Variants in NIBAN3 observed in about 807,000 individuals in gnomAD.
NIBAN3 encodes the protein protein Niban 3.
Under a neutral mutation model 76.4 loss-of-function variants are expected in NIBAN3, and 66 were observed. The observed-to-expected ratio is 0.86, with a 90% CI of 0.71 to 1.06. The LOEUF (loss-of-function observed/expected upper bound fraction) is 1.06, where lower values mean the gene tolerates loss of function less well. Ranked by LOEUF, NIBAN3 falls within the 50% of genes least tolerant of loss-of-function variation. The pLI is 0.00. For missense variants in NIBAN3, 808 were observed against 810.7 expected (o/e 1.00, Z 0.04); for synonymous variants, 360 against 355.2 (o/e 1.01, Z -0.15).
At chr19:17,533,906 C>T (rs749713110) in intron 4 of NIBAN3, among the ~76,000 whole-genome samples, 4 of 152,122 alleles carry the variant, frequency 2.6e-5, no homozygotes, top group African/African-American at 7.2e-5. Context: ...AAGTGTCTCC[C>T]GGGGGCAGCG....
At chr19:17,554,339 G>T (rs1396981312), downstream of NIBAN3, among the ~76,000 whole-genome samples, 2 of 152,012 alleles carry the variant, frequency 1.3e-5, no homozygotes, top group Non-Finnish European at 1.5e-5. Context: ...AATTAGCTGG[G>T]CGTGGTTGAG....
Position 17,553,224 on chromosome 19 carries a change from C to T in NIBAN3, c.*1326C>T. 3 of 1,527,974 alleles carry T rather than the reference C, an allele frequency of 2.0e-6. No individual in the cohort carries two copies. Among genetic ancestry groups the T allele is most frequent in the Non-Finnish European group, 2.6e-6 (3 of 1,140,004 alleles). The allele number at this position is 1,527,974 out of a possible 1,614,324, so 94.7% of individuals were successfully genotyped here. Reference sequence around the variant, plus strand: ...ATTGATATCTAATAACTCTTTATATCTGAAGGATATGAACGCTTTGTGATA... The same window carrying T: ...ATTGATATCTAATAACTCTTTATATTTGAAGGATATGAACGCTTTGTGATA... On this transcript the variant is annotated 3_prime_UTR_variant, in exon 15 of 15. Transcript: ENST00000599164.
intron 14 of NIBAN3, chr19:17,549,740 AC>A (rs2076123458): frequency 1.6e-6 from 1 of 620,726 alleles, no homozygotes; most frequent in Admixed American, 2.5e-5. Flanking sequence ...GACCCTCTAA[AC>A]CCAGGCTCTG....
At position 17,551,947 on chromosome 19, in the gene NIBAN3, G is replaced by A. The variant is rs1156292241; in HGVS notation, c.*49G>A. 1.4e-6 allele frequency: 1 copy of A among 718,618 alleles called. No homozygotes were observed. The highest frequency in any genetic ancestry group is 1.7e-5 in the African/African-American group (1 of 57,868). The allele number at this position is 718,618 out of a possible 1,614,324, so 44.5% of individuals were successfully genotyped here. On this transcript the variant is annotated 3_prime_UTR_variant, in exon 15 of 15. Transcript: ENST00000599164. ...TTCTATTGGATAAATGTCTACAAGT[G>A]GAATTTCTGGGCCAAAACGGATGTG...
chr19:17,548,533 G>A (rs2076099779), intron 13 of NIBAN3, among the ~76,000 whole-genome samples: 1 of 152,176 alleles, frequency 6.6e-6, no homozygotes, highest in Admixed American at 6.5e-5. Context: ...GTCACTAAGT[G>A]AAGGAGAGGG....
At position 17,539,373 on chromosome 19, in the gene NIBAN3, G is replaced by A. The variant is rs1195829718; in HGVS notation, c.738G>A (p.Glu246=). ...TGCTGACCGCGGTGCTGATGCGGGA[G>A]CAACTTCCCGCGCTGCGAGCCCAGA... The part of the protein sequence containing the change: ...AEVLTAVLMR[E]QLPALRAQTL... The change falls in exon 7 of 15, where the codon GAG becomes GAA. Residue 246 remains glutamate, a synonymous_variant. Coordinates refer to ENST00000599164, the MANE Select transcript of NIBAN3 (RefSeq NM_001321827.2). 6.5e-7 allele frequency: 1 copy of A among 1,542,600 alleles called. No individual in the cohort carries two copies. The highest frequency in any genetic ancestry group is 1.2e-5 in the South Asian group (1 of 83,902).
Position 17,543,552 on chromosome 19 carries a change from A to C in NIBAN3, c.1475A>C (p.Gln492Pro), listed in dbSNP as rs2075995173. ...KKFKSDSGLA[Q>P]RRFIRGWGLC... ...TTCAAATCGGACAGCGGGTTGGCGC[A>C]GAGGAGGTTCATCCGAGGCTGGGGT... The change falls in exon 12 of 15, where the codon CAG (glutamine) becomes CCG (proline). Residue 492 changes from glutamine to proline, a missense_variant. Gln to Pro is a moderately conservative substitution (Grantham distance 76, BLOSUM62 -1). Transcript: ENST00000599164. 6.2e-7 allele frequency: 1 copy of C among 1,614,068 alleles called. No homozygotes were observed. Among genetic ancestry groups the C allele is most frequent in the Non-Finnish European group, 8.5e-7 (1 of 1,180,038 alleles).
At chr19:17,547,956 C>G (rs116266344) in intron 13 of NIBAN3, among the ~76,000 whole-genome samples, 13 of 152,158 alleles carry the variant, frequency 8.5e-5, no homozygotes, top group Non-Finnish European at 1.9e-4. Context: ...TGAGAGACAT[C>G]GTCTTAAAAC....
intron 4 of NIBAN3, among the ~76,000 whole-genome samples, chr19:17,536,975 G>T (rs1486412942): frequency 6.6e-6 from 1 of 151,988 alleles, no homozygotes; most frequent in Non-Finnish European, 1.5e-5. Context: ...TGTCCCTTTT[G>T]TTAAAAAAAG....
At chr19:17,537,876 G>A (rs917967011) in intron 5 of NIBAN3, among the ~76,000 whole-genome samples, 5 of 151,456 alleles carry the variant, frequency 3.3e-5, no homozygotes, top group African/African-American at 1.2e-4. Context: ...AACCCGGGAG[G>A]TGGAGGTTGC....
At position 17,543,498 on chromosome 19, in the gene NIBAN3, G is replaced by C. The variant is rs1433140055; in HGVS notation, c.1447-26G>C. The C allele has an allele frequency of 1.9e-6, 3 of 1,612,576 alleles. No homozygotes were observed. In the African/African-American group the frequency reaches 4.0e-5, roughly 22 times the overall value. The stretch of plus-strand genomic sequence containing the variant: ...GGCCTGGGTGCTCAGATGGTTGCTG[G>C]ACGCACCGCTGGGTGTGTTGTGCAG... On this transcript the variant is annotated intron_variant, in intron 11 of 14. Transcript: ENST00000599164.
At chr19:17,538,232 C>T (rs1042154689) in intron 5 of NIBAN3, among the ~76,000 whole-genome samples, 2 of 151,710 alleles carry the variant, frequency 1.3e-5, no homozygotes, top group East Asian at 1.9e-4. Flanking sequence ...CTCGCTAACA[C>T]GGTGAAACCC....
At chr19:17,531,326 A>AACACACACACAC (rs35489460) in intron 2 of NIBAN3, among the ~76,000 whole-genome samples, 1 of 129,000 alleles carries the variant, frequency 7.8e-6, no homozygotes, top group Non-Finnish European at 1.7e-5. Context: ...GACTCTGTCA[A>AACACACACACAC]ACACACACAC....
In NIBAN3 at chr19:17,540,533, T is replaced by C; in HGVS notation, c.1121T>C (p.Leu374Pro). The C allele has an allele frequency of 6.3e-7, 1 of 1,577,038 alleles. No homozygotes were observed. Among genetic ancestry groups the C allele is most frequent in the Non-Finnish European group, 8.6e-7 (1 of 1,161,252 alleles). ...CTCCTGGCTCAAGGCATGGACCGAC[T>C]GTCCCACCGCCTGCGCCAGAGCCCC... ...RTLLAQGMDR[L>P]SHRLRQSPSG... The change falls in exon 9 of 15, where the codon CTG becomes CCG. Residue 374 changes from leucine (L) to proline (P), a missense_variant. By Grantham distance (98) the Leu-to-Pro change is moderately conservative (BLOSUM62 -3). Coordinates refer to ENST00000599164, the MANE Select transcript of NIBAN3 (RefSeq NM_001321827.2).
upstream of NIBAN3, among the ~76,000 whole-genome samples, chr19:17,526,177 G>A (rs1296260661): frequency 6.6e-6 from 1 of 152,088 alleles, no homozygotes; most frequent in Admixed American, 6.6e-5. Context: ...GCCAGGTGTG[G>A]TGGCGGGCGC....
At chr19:17,531,372 C>A (rs937833352) in intron 2 of NIBAN3, among the ~76,000 whole-genome samples, 5 of 138,112 alleles carry the variant, frequency 3.6e-5, no homozygotes, top group East Asian at 4.3e-4. Context: ...CACACACACA[C>A]AACCATTCAC....
Position 17,551,971 on chromosome 19 carries a change from T to C in NIBAN3, c.*73T>C, listed in dbSNP as rs899646631. 1.5e-6 allele frequency: 1 copy of C among 686,756 alleles called. No homozygotes were observed. The allele number at this position is 686,756 out of a possible 1,614,324, so 42.5% of individuals were successfully genotyped here. ...TGGAATTTCTGGGCCAAAACGGATG[T>C]GCCATCTTTAGGCTTTTGTAACCCC... On this transcript the variant is annotated 3_prime_UTR_variant, in exon 15 of 15. Transcript: ENST00000599164.
At chr19:17,540,758 G>A (rs2075934672) in intron 9 of NIBAN3, among the ~76,000 whole-genome samples, 176 bp downstream of exon 9, 1 of 152,180 alleles carries the variant, frequency 6.6e-6, no homozygotes, top group South Asian at 2.1e-4. Flanking sequence ...TTTGAGACAG[G>A]GGTGTCGCTC....
In NIBAN3 at chr19:17,540,472, C is replaced by A. The variant is rs2075926759; in HGVS notation, c.1060C>A (p.Arg354Ser). Residue 354 changes from arginine to serine, a missense_variant, in exon 9 of 15, where the codon CGC (arginine) becomes AGC (serine). Coordinates refer to ENST00000599164, the MANE Select transcript of NIBAN3 (RefSeq NM_001321827.2). ...QLPRVVQTLL[R>S]TVEASLEAVR... is the part of the protein sequence containing the mutation. Reference sequence around the variant, plus strand: ...GCCCCGGGTCGTGCAGACCCTGCTGCGCACCGTGGAAGCCTCGCTCGAGGC... The same window carrying A: ...GCCCCGGGTCGTGCAGACCCTGCTGAGCACCGTGGAAGCCTCGCTCGAGGC... The A allele has an allele frequency of 6.3e-7, 1 of 1,598,268 alleles. No individual in the cohort carries two copies. The highest frequency in any genetic ancestry group is 1.4e-5 in the African/African-American group (1 of 73,800).
Sources: gnomAD v4.1 joint callset for allele counts (sites outside exome capture counted in the v4.1 genomes callset) on GRCh38, gnomAD v4.1.1 for gene constraint, MANE v1.5 for transcripts, NCBI Gene and HGNC (gene_info 2026-07-23, HGNC 2026-07-21) for gene names.